The following HMCN1 variants were observed in gnomAD, a reference collection of about 807,000 sequenced individuals.
The protein encoded by HMCN1 is hemicentin-1.
In HMCN1, 321 loss-of-function variants were observed where a neutral mutation model predicts 625.9. The ratio of observed to expected loss-of-function variants is 0.51; its 90% CI spans 0.47 to 0.56. The LOEUF is 0.56. Among genes scored for constraint, HMCN1 ranks in the 20% least tolerant of loss-of-function variants. HMCN1 has a pLI of 0.00. For synonymous variants in HMCN1, 2,425 were observed against 2,417.6 expected (o/e 1.00, Z -0.09); for missense variants, 6,588 against 6,887.3 (o/e 0.96, Z 1.54).
intron 9 of HMCN1, among the ~76,000 whole-genome samples, chr1:185,926,120 G>T (rs1667264143): frequency 6.6e-6 from 1 of 152,198 alleles, no homozygotes; most frequent in Non-Finnish European, 1.5e-5. Context: ...TTTCTGGAAA[G>T]TGTTGCCTTT....
rs549894963 is a variant in HMCN1, at chr1:186,165,325, A to G, written c.15319+152A>G. On this transcript the variant is annotated intron_variant, in intron 98 of 106. Coordinates refer to ENST00000271588, the MANE Select transcript of HMCN1 (RefSeq NM_031935.3). ...TTGACAGCTAAGGAAATTGAGATGT[A>G]GAAAAGTCAAACTATGGAAAACCAC... is the stretch of plus-strand genomic sequence containing the variant. The G allele has an allele frequency of 2.8e-5, 21 of 761,318 alleles. 1 individual carries two copies. The South Asian group carries it at 3.4e-4, about 12-fold the overall frequency. 47.2% of individuals were successfully genotyped at this position (761,318 alleles called of 1,614,324 possible). A position where few individuals can be genotyped will look rare whatever the true frequency, so the allele number is the denominator to read the frequency against.
intron 11 of HMCN1, among the ~76,000 whole-genome samples, chr1:185,940,664 A>T (rs1668034445): frequency 6.6e-6 from 1 of 152,256 alleles, no homozygotes; most frequent in African/African-American, 2.4e-5. Context: ...CTATTGACAG[A>T]GAAGTTTACT....
At chr1:186,176,595 G>T (rs1013226113) in intron 103 of HMCN1, among the ~76,000 whole-genome samples, 4 of 152,176 alleles carry the variant, frequency 2.6e-5, no homozygotes, top group Non-Finnish European at 4.4e-5. Flanking sequence ...CACCTACTTT[G>T]TGTTGGATGA....
chr1:186,159,104 C>A (rs1346365256), intron 97 of HMCN1, among the ~76,000 whole-genome samples: 1 of 151,688 alleles, frequency 6.6e-6, no homozygotes, highest in Admixed American at 6.6e-5. Context: ...TCTTTTATTT[C>A]ATTGAGCAGT....
rs182922699 is a variant in HMCN1 at position 185,814,177 on chromosome 1, A to G, written c.269-31849A>G. ...ACTTGAAAATAGAAGAGGCCTTCAC[A>G]ATCGAGTCTTCTTTCTTCCCTTAAA... is the stretch of plus-strand genomic sequence containing the variant. On this transcript the variant is annotated intron_variant, in intron 1 of 106. Coordinates refer to ENST00000271588, the MANE Select transcript of HMCN1 (RefSeq NM_031935.3). Among the ~76,000 whole-genome samples, 3 of 152,316 alleles carry G rather than the reference A, an allele frequency of 2.0e-5. No homozygotes were observed. In the East Asian group the frequency reaches 5.8e-4, roughly 29 times the overall value.
intron 2 of HMCN1, among the ~76,000 whole-genome samples, chr1:185,861,547 C>A (rs1010009794): frequency 1.3e-5 from 2 of 152,108 alleles, no homozygotes; most frequent in African/African-American, 4.8e-5. Flanking sequence ...TTTTGAGCAT[C>A]CCAGAATATC....
chr1:185,841,066 A>G (rs936924485), intron 1 of HMCN1, among the ~76,000 whole-genome samples: 11 of 152,200 alleles, frequency 7.2e-5, no homozygotes, highest in African/African-American at 2.7e-4. Context: ...CAGTGAAAGA[A>G]AATATTACAT....
At chr1:185,739,785 GA>G (rs1653851290) in intron 1 of HMCN1, among the ~76,000 whole-genome samples, 1 of 152,154 alleles carries the variant, frequency 6.6e-6, no homozygotes, top group South Asian at 2.1e-4. Flanking sequence ...TGGTATTTTT[GA>G]TGATGATAAT....
rs1309296170 is a variant in HMCN1, at chr1:185,780,639, C to T, written c.268+45592C>T. On this transcript the variant is annotated intron_variant, in intron 1 of 106. Coordinates refer to ENST00000271588, the MANE Select transcript of HMCN1 (RefSeq NM_031935.3). ...TTTTGTCTTTGGTTCTGTTTATATG[C>T]TGGATTACGTTTATTTATTTTTGTA... Among the ~76,000 whole-genome samples the T allele has an allele frequency of 2.0e-5, 3 of 152,098 alleles. No homozygotes were observed. In the East Asian group the frequency reaches 5.8e-4, roughly 29 times the overall value.
At chr1:185,784,449 C>T (rs1657408602) in intron 1 of HMCN1, among the ~76,000 whole-genome samples, 1 of 152,172 alleles carries the variant, frequency 6.6e-6, no homozygotes, top group African/African-American at 2.4e-5. Flanking sequence ...GTCGCTCATG[C>T]TGGGAGCTGT....
chr1:186,067,488 G>C (rs1359312345), intron 49 of HMCN1, among the ~76,000 whole-genome samples: 1 of 152,056 alleles, frequency 6.6e-6, no homozygotes, highest in Non-Finnish European at 1.5e-5. Context: ...TCCTTTAAGA[G>C]GCCTTCTCTA....
chr1:186,164,240 C>CTTTTTT (rs57317105), intron 97 of HMCN1, among the ~76,000 whole-genome samples: 6,590 of 131,130 alleles, frequency 0.05, 269 homozygotes, highest in African/African-American at 0.082. Flanking sequence ...TAACTTAAAT[C>CTTTTTT]TTTTTTTTTT....
At chr1:185,922,274 A>G in intron 6 of HMCN1, 105 bp from the exon 7 acceptor site, 1 of 1,285,834 alleles carries the variant, frequency 7.8e-7, no homozygotes, top group South Asian at 1.2e-5. Flanking sequence ...GTTTTTGGAC[A>G]TCGATCCTAA....
intron 40 of HMCN1, among the ~76,000 whole-genome samples, chr1:186,041,734 C>G (rs771893468): frequency 1.4e-4 from 22 of 152,260 alleles, no homozygotes; most frequent in Non-Finnish European, 2.6e-4. Flanking sequence ...CTTTTCAGCC[C>G]ACATTCCAGT....
At chr1:186,079,755 C>A (rs1466772823) in intron 55 of HMCN1, among the ~76,000 whole-genome samples, 1 of 152,168 alleles carries the variant, frequency 6.6e-6, no homozygotes, top group African/African-American at 2.4e-5. Context: ...GTTCATGCCT[C>A]AGGCTGTTAT....
rs927439 is a variant in HMCN1 at position 185,862,618 on chromosome 1, T to C, written c.340-1852T>C. On this transcript the variant is annotated intron_variant, in intron 2 of 106. Transcript: ENST00000271588. ...AAATGTAAAATTAGAACTTGAGAGA[T>C]AAGTATGGTCAAAAGATACAAATAT... Among the ~76,000 whole-genome samples, 156 of 152,226 alleles carry C rather than the reference T, an allele frequency of 1.0e-3. 3 individuals are homozygous for C. The East Asian group carries it at 0.028, about 28-fold the overall frequency.
chr1:186,066,266 GTAT>G lies in HMCN1; in HGVS notation c.7705+841_7705+843del, dbSNP rs1219284605. 7.2e-5 allele frequency among the ~76,000 whole-genome samples: 11 copies of G among 152,108 alleles called. No homozygotes were observed. The South Asian group carries it at 2.3e-3, about 32-fold the overall frequency. On this transcript the variant is annotated intron_variant, in intron 49 of 106. Transcript: ENST00000271588. Reference sequence around the variant, plus strand: ...TGTATAAATTGACATACAGTATCTGGTATTATATATATGTTCATTCATTCATTC... The same window carrying G: ...TGTATAAATTGACATACAGTATCTGGTATATATATGTTCATTCATTCATTC...
In HMCN1 at chr1:186,053,993, T is replaced by A. The variant is rs969777370; in HGVS notation, c.6862+7T>A. 2 of 1,611,714 alleles carry A rather than the reference T, an allele frequency of 1.2e-6. No individual in the cohort carries two copies. The highest frequency in any genetic ancestry group is 3.3e-5 in the Admixed American group (2 of 59,794). On this transcript the variant is annotated splice_region_variant and intron_variant, in intron 44 of 106. Transcript: ENST00000271588. ...TACAATCTGCAAGTTTACAGTAAGTTGTTGATTAGCCAGGCTTTGGCAAAA... is the reference window on the plus strand; with the variant it reads ...TACAATCTGCAAGTTTACAGTAAGTAGTTGATTAGCCAGGCTTTGGCAAAA...
At chr1:185,815,189 C>T (rs1659767032) in intron 1 of HMCN1, among the ~76,000 whole-genome samples, 1 of 150,168 alleles carries the variant, frequency 6.7e-6, no homozygotes. Context: ...TTTTGAAGAA[C>T]CATATCCTGA....
Sources: gnomAD v4.1 joint callset for allele counts (sites outside exome capture counted in the v4.1 genomes callset) on GRCh38, gnomAD v4.1.1 for gene constraint, MANE v1.5 for transcripts, NCBI Gene and HGNC (gene_info 2026-07-23, HGNC 2026-07-21) for gene names.